ST8SIA4: variants seen among roughly 807,000 people sequenced by gnomAD.
ST8SIA4 encodes ST8 alpha-N-acetyl-neuraminide alpha-2,8-sialyltransferase 4, also known as CMP-N-acetylneuraminate-poly-alpha-2,8-sialyltransferase.
ST8SIA4 carries 15 observed loss-of-function variants against 33.9 expected under a neutral mutation model. The observed-to-expected ratio is 0.44, with a 90% confidence interval of 0.30 to 0.68. ST8SIA4 has a LOEUF of 0.68. Ranked by LOEUF, ST8SIA4 falls within the 30% of genes least tolerant of loss-of-function variation. The pLI is 0.10. For synonymous variants in ST8SIA4, 171 were observed against 151.2 expected, an observed-to-expected ratio of 1.13 and a Z score of -0.96; for missense variants, 321 against 428.0, an observed-to-expected ratio of 0.75 and a Z score of 2.21.
At chr5:100,860,557 T>C (rs1481090975) in intron 3 of ST8SIA4, among the ~76,000 whole-genome samples, 1 of 152,182 alleles carries the variant, frequency 6.6e-6, no homozygotes, top group African/African-American at 2.4e-5. Context: ...GTCATGAAGG[T>C]TGTGGGCTCC....
chr5:100,854,049 T>C (rs1751760188), intron 4 of ST8SIA4, among the ~76,000 whole-genome samples: 1 of 151,900 alleles, frequency 6.6e-6, no homozygotes, highest in East Asian at 1.9e-4. Context: ...AAGGTGTTTT[T>C]CAGAGTAACA....
In ST8SIA4 at chr5:100,902,845, G is replaced by A. The variant is rs1180529761; in HGVS notation, c.111C>T (p.Ile37=). The change falls in exon 1 of 5, where the codon ATC becomes ATT. Residue 37 remains isoleucine (I), a splice_region_variant and synonymous_variant. Transcript: ENST00000231461. ...CTGAAATGAAGCTTTGCATTTACCCGATGAGTTGCGTCTCCTGGTGCTCCT... is the reference window on the plus strand; with the variant it reads ...CTGAAATGAAGCTTTGCATTTACCCAATGAGTTGCGTCTCCTGGTGCTCCT... The part of the protein sequence containing the change: ...RTEEHQETQL[I]GDGELSLSRS... 5.0e-6 allele frequency: 8 copies of A among 1,611,382 alleles called. No homozygotes were observed. The highest frequency in any genetic ancestry group is 1.3e-5 in the African/African-American group (1 of 74,846).
intron 4 of ST8SIA4, among the ~76,000 whole-genome samples, chr5:100,818,932 T>A (rs1750984896): frequency 6.6e-6 from 1 of 152,176 alleles, no homozygotes; most frequent in South Asian, 2.1e-4. Context: ...TTTTTATCTG[T>A]CTATGCACAT....
chr5:100,873,824 T>G (rs1191047628), intron 3 of ST8SIA4, among the ~76,000 whole-genome samples: 2 of 152,164 alleles, frequency 1.3e-5, no homozygotes, highest in Non-Finnish European at 2.9e-5. Context: ...TATATGAATA[T>G]TTTTTATTGA....
intron 4 of ST8SIA4, among the ~76,000 whole-genome samples, chr5:100,833,707 G>GT (rs1751305033): frequency 6.6e-6 from 1 of 152,080 alleles, no homozygotes; most frequent in African/African-American, 2.4e-5. Flanking sequence ...AAGGCCTCTG[G>GT]TTTTACACAT....
intron 4 of ST8SIA4, among the ~76,000 whole-genome samples, chr5:100,817,318 C>A (rs918386971): frequency 1.3e-5 from 2 of 151,844 alleles, no homozygotes; most frequent in Non-Finnish European, 2.9e-5. Flanking sequence ...TGCACATTCT[C>A]AACTCTAGAG....
chr5:100,839,919 T>C (rs535776464), intron 4 of ST8SIA4, among the ~76,000 whole-genome samples: 1 of 151,852 alleles, frequency 6.6e-6, no homozygotes, highest in Non-Finnish European at 1.5e-5. Flanking sequence ...CTTTATAAAA[T>C]AAGAAATTTA....
At chr5:100,832,005 GA>G (rs931190264) in intron 4 of ST8SIA4, among the ~76,000 whole-genome samples, 10 of 151,966 alleles carry the variant, frequency 6.6e-5, no homozygotes, top group Admixed American at 5.9e-4. Context: ...GAAATATTTA[GA>G]AGGAAGGAAC....
chr5:100,864,574 C>CAAAAAAAA (rs201029430), intron 3 of ST8SIA4, among the ~76,000 whole-genome samples: 4 of 69,384 alleles, frequency 5.8e-5, no homozygotes, highest in Non-Finnish European at 5.2e-5. Flanking sequence ...GACTCCGGCT[C>CAAAAAAAA]AAAAAAAAAA....
chr5:100,854,009 GTA>G (rs1301741992), intron 4 of ST8SIA4, among the ~76,000 whole-genome samples: 18 of 24,268 alleles, frequency 7.4e-4, no homozygotes, highest in South Asian at 2.8e-3. Context: ...GTGTGTGTGT[GTA>G]TGTTTAAGAT....
rs943729694 is a variant in ST8SIA4 at position 100,818,947 on chromosome 5, A to T, written c.798-6818T>A. The stretch of plus-strand genomic sequence containing the variant: ...TTTTTATCTGTCTATGCACATTGTC[A>T]CATCAAGTATGGATACAATGTTAAG... On this transcript the variant is annotated intron_variant, in intron 4 of 4. Coordinates refer to ENST00000231461, the MANE Select transcript of ST8SIA4 (RefSeq NM_005668.6). Among the ~76,000 whole-genome samples, 4 of 152,148 alleles carry T rather than the reference A, an allele frequency of 2.6e-5. No homozygotes were observed. In the East Asian group the frequency reaches 7.7e-4, roughly 29 times the overall value.
At chr5:100,854,083 T>C (rs1289199618) in intron 4 of ST8SIA4, among the ~76,000 whole-genome samples, 2 of 151,920 alleles carry the variant, frequency 1.3e-5, no homozygotes, top group East Asian at 3.9e-4. Context: ...AAAACAGACA[T>C]GTTCTTAACA....
intron 4 of ST8SIA4, among the ~76,000 whole-genome samples, chr5:100,829,113 T>C (rs990569362): frequency 2.0e-5 from 3 of 152,200 alleles, no homozygotes; most frequent in Admixed American, 6.5e-5. Context: ...GGAGCATCAG[T>C]GTGTATTCAC....
chr5:100,848,608 C>T (rs906696430), intron 4 of ST8SIA4, among the ~76,000 whole-genome samples: 4 of 149,202 alleles, frequency 2.7e-5, no homozygotes, highest in African/African-American at 7.4e-5. Context: ...AAGTATATCG[C>T]GAGTATAGAC....
chr5:100,854,451 C>T (rs1455483361), intron 4 of ST8SIA4, among the ~76,000 whole-genome samples: 8 of 151,822 alleles, frequency 5.3e-5, no homozygotes, highest in African/African-American at 1.9e-4. Context: ...GGTGTGGTGG[C>T]GGGCACCTGT....
chr5:100,856,822 G>A (rs995562802), intron 3 of ST8SIA4, among the ~76,000 whole-genome samples: 2 of 152,116 alleles, frequency 1.3e-5, no homozygotes, highest in Non-Finnish European at 2.9e-5. Flanking sequence ...TGCACCACTT[G>A]TAAAGCTTAA....
chr5:100,844,990 C>T (rs1355817571), intron 4 of ST8SIA4, among the ~76,000 whole-genome samples: 1 of 152,074 alleles, frequency 6.6e-6, no homozygotes, highest in Non-Finnish European at 1.5e-5. Context: ...TTGTTTCCTA[C>T]ATGGCAATTC....
At chr5:100,824,234 T>G (rs1751093072) in intron 4 of ST8SIA4, among the ~76,000 whole-genome samples, 1 of 152,222 alleles carries the variant, frequency 6.6e-6, no homozygotes. Context: ...TCAAATTTCA[T>G]GTATAAACTG....
At chr5:100,842,494 T>A (rs1751489914) in intron 4 of ST8SIA4, among the ~76,000 whole-genome samples, 1 of 151,844 alleles carries the variant, frequency 6.6e-6, no homozygotes, top group Non-Finnish European at 1.5e-5. Context: ...AGCTGAAAAT[T>A]TTGATAAACT....
Sources: gnomAD v4.1 joint callset for allele counts (sites outside exome capture counted in the v4.1 genomes callset) on GRCh38, gnomAD v4.1.1 for gene constraint, MANE v1.5 for transcripts, NCBI Gene and HGNC (gene_info 2026-07-23, HGNC 2026-07-21) for gene names.